Variants in MAGEA8 observed in about 807,000 individuals in gnomAD.
MAGEA8 encodes the protein melanoma-associated antigen 8.
For missense variants in MAGEA8, 229 were observed against 251.1 expected (o/e 0.91, Z 0.59); for synonymous variants, 104 against 102.6 (o/e 1.01, Z -0.08).
Position 149,885,728 on chromosome X carries a change from G to A in MAGEA8, c.*499G>A, listed in dbSNP as rs2090758746. The stretch of plus-strand genomic sequence containing the variant: ...AAAGACATAAAGAAATTAAACAATA[G>A]TTAATTCTTGCCTTACCTGTACCTC... On this transcript the variant is annotated 3_prime_UTR_variant, in exon 3 of 3. Coordinates refer to ENST00000286482, the MANE Select transcript of MAGEA8 (RefSeq NM_005364.5). The A allele has an allele frequency of 6.8e-6, 1 of 147,366 alleles. No individual in the cohort carries two copies. Among genetic ancestry groups the A allele is most frequent in the Non-Finnish European group, 1.4e-5 (1 of 69,573 alleles). The allele number at this position is 147,366 out of a possible 1,213,427, so 12.1% of individuals were successfully genotyped here.
At position 149,885,412 on chromosome X, in the gene MAGEA8, T is replaced by C. The variant is rs1025325391; in HGVS notation, c.*183T>C. 3.5e-5 allele frequency: 14 copies of C among 394,409 alleles called. 1 individual carries two copies. Among genetic ancestry groups the C allele is most frequent in the Non-Finnish European group, 6.3e-5 (14 of 223,545 alleles). The allele number at this position is 394,409 out of a possible 1,213,427, so 32.5% of individuals were successfully genotyped here. A position where few individuals can be genotyped will look rare whatever the true frequency, so the allele number is the denominator to read the frequency against. On this transcript the variant is annotated 3_prime_UTR_variant, in exon 3 of 3. Transcript: ENST00000286482. Reference sequence around the variant, plus strand: ...GCATGTTGGGTGTGAGGGAACACAGTGTGGACCATCTCTCAGTTCCTGTTC... The same window carrying C: ...GCATGTTGGGTGTGAGGGAACACAGCGTGGACCATCTCTCAGTTCCTGTTC...
At chrX:149,882,247 G>A (rs1557370648) in intron 1 of MAGEA8, among the ~76,000 whole-genome samples, 1 of 111,301 alleles carries the variant, frequency 9.0e-6, no homozygotes, top group East Asian at 2.8e-4. Flanking sequence ...CAAGGAGATG[G>A]TGGCCTTGGC....
chrX:149,882,592 G>A (rs1425808446), intron 1 of MAGEA8, among the ~76,000 whole-genome samples: 3 of 111,117 alleles, frequency 2.7e-5, no homozygotes, highest in African/African-American at 9.8e-5. Flanking sequence ...GGAAAGAAGG[G>A]ACCCCACAAA....
At chrX:149,882,129 A>G (rs145538155) in intron 1 of MAGEA8, among the ~76,000 whole-genome samples, 132 of 110,551 alleles carry the variant, frequency 1.2e-3, no homozygotes, top group African/African-American at 4.1e-3. Flanking sequence ...AGGACTCAGC[A>G]GACCTCCCAT....
rs1557370926 is a variant in MAGEA8, at chrX:149,884,561, A to C, written c.289A>C (p.Thr97Pro). The C allele has an allele frequency of 8.3e-7, 1 of 1,210,218 alleles. No individual in the cohort carries two copies. Among genetic ancestry groups the C allele is most frequent in the Admixed American group, 2.2e-5 (1 of 45,927 alleles). Residue 97 changes from threonine to proline, a missense_variant, in exon 3 of 3, where the codon ACC (threonine) becomes CCC (proline). Thr to Pro is a conservative substitution (Grantham distance 38, BLOSUM62 -1). Transcript: ENST00000286482. The part of the protein sequence containing the change: ...SSSNEEEGPS[T>P]SPDPAHLESL... ...CAGCAATGAAGAGGAGGGGCCAAGC[A>C]CCTCCCCGGACCCAGCTCACCTGGA...
chrX:149,884,406 T>C lies in MAGEA8; in HGVS notation c.134T>C (p.Leu45Pro). Residue 45 changes from leucine to proline, a missense_variant, in exon 3 of 3, where the codon CTG becomes CCG. By Grantham distance (98) the Leu-to-Pro change is moderately conservative. Coordinates refer to ENST00000286482, the MANE Select transcript of MAGEA8 (RefSeq NM_005364.5). ...EQKAASSSSTLIMGTLEEVTD... is the reference protein window; with the variant it reads ...EQKAASSSSTPIMGTLEEVTD... ...AAGGCTGCATCCTCCTCCTCTACTC[T>C]GATCATGGGAACCCTTGAGGAGGTG... 1.7e-6 allele frequency: 2 copies of C among 1,211,115 alleles called. No homozygotes were observed. The highest frequency in any genetic ancestry group is 2.2e-6 in the Non-Finnish European group (2 of 894,952).
At chrX:149,882,471 G>A (rs1032014660) in intron 1 of MAGEA8, among the ~76,000 whole-genome samples, 9 of 111,184 alleles carry the variant, frequency 8.1e-5, no homozygotes, top group Admixed American at 5.7e-4. Context: ...TCTGAAGGGC[G>A]TCCTCAGCTC....
At position 149,884,241 on chromosome X, in the gene MAGEA8, C is replaced by T; in HGVS notation, c.-32C>T. 1 of 1,129,471 alleles carries T rather than the reference C, an allele frequency of 8.9e-7. No homozygotes were observed. Among genetic ancestry groups the T allele is most frequent in the Non-Finnish European group, 1.2e-6 (1 of 834,158 alleles). 93.1% of individuals were successfully genotyped at this position (1,129,471 alleles called of 1,213,427 possible). A position where few individuals can be genotyped will look rare whatever the true frequency, so the allele number is the denominator to read the frequency against. ...GGGTCTCAATTGCCCAGCTCCGGCC[C>T]ACACTCTCCTGCTGCCCTGACCTGA... On this transcript the variant is annotated 5_prime_UTR_variant, in exon 3 of 3. Coordinates refer to ENST00000286482, the MANE Select transcript of MAGEA8 (RefSeq NM_005364.5).
chrX:149,885,162 A>G lies in MAGEA8; in HGVS notation c.890A>G (p.Asn297Ser), dbSNP rs782177723. 4.1e-6 allele frequency: 5 copies of G among 1,209,427 alleles called. No homozygotes were observed. The highest frequency in any genetic ancestry group is 5.6e-6 in the Non-Finnish European group (5 of 894,348). Residue 297 changes from asparagine to serine, a missense_variant, in exon 3 of 3, where the codon AAT becomes AGT. Asn to Ser is a conservative substitution (Grantham distance 46, BLOSUM62 1). Transcript: ENST00000286482. ...VKVLEHVVRV[N>S]ARVRISYPSL... ...GTCCTGGAGCATGTGGTCAGGGTCA[A>G]TGCAAGAGTTCGCATTTCCTACCCA...
chrX:149,882,772 G>A (rs782334702), intron 1 of MAGEA8, among the ~76,000 whole-genome samples: 36 of 110,536 alleles, frequency 3.3e-4, no homozygotes, highest in Admixed American at 1.1e-3. Context: ...GAGGAAGGGC[G>A]GGCTCCATCA....
Position 149,884,974 on chromosome X carries a change from T to C in MAGEA8, c.702T>C (p.Tyr234=), listed in dbSNP as rs782083942. Residue 234 remains tyrosine (Y), a synonymous_variant, in exon 3 of 3, where the codon TAT becomes TAC. Coordinates refer to ENST00000286482, the MANE Select transcript of MAGEA8 (RefSeq NM_005364.5). ...AAGCGTTGAGTGTGATGGGGCTGTA[T>C]GATGGGAGGGAGCACAGTGTCTATT... ...IWEALSVMGL[Y]DGREHSVYWK... is the part of the protein sequence containing the mutation. The C allele has an allele frequency of 8.3e-7, 1 of 1,207,313 alleles. No individual in the cohort carries two copies. Among genetic ancestry groups the C allele is most frequent in the African/African-American group, 1.8e-5 (1 of 56,999 alleles).
chrX:149,883,842 T>A (rs896957195), intron 1 of MAGEA8: 1 of 119,802 alleles, frequency 8.3e-6, no homozygotes, highest in African/African-American at 3.2e-5. Flanking sequence ...AACCAGGCTG[T>A]GAGGTCTTGG....
rs782773975 is a variant in MAGEA8 at position 149,885,087 on chromosome X, A to G, written c.815A>G (p.Tyr272Cys). Residue 272 changes from tyrosine (Y) to cysteine (C), a missense_variant, in exon 3 of 3, where the codon TAC becomes TGC. By Grantham distance (194) the Tyr-to-Cys change is radical. Coordinates refer to ENST00000286482, the MANE Select transcript of MAGEA8 (RefSeq NM_005364.5). ...GCGCCCGGCAGTGATCCTGTGCGCT[A>G]CGAGTTCCTGTGGGGTCCAAGGGCC... ...RQAPGSDPVR[Y>C]EFLWGPRALA... 6.6e-6 allele frequency: 8 copies of G among 1,211,766 alleles called. No homozygotes were observed. The highest frequency in any genetic ancestry group is 8.9e-6 in the Non-Finnish European group (8 of 895,331).
At chrX:149,881,661 T>G (rs1255914915) in intron 1 of MAGEA8, among the ~76,000 whole-genome samples, 1 of 93,853 alleles carries the variant, frequency 1.1e-5, no homozygotes, top group Non-Finnish European at 2.2e-5. Context: ...CGGCCGGGCA[T>G]GGCGGCCGGG....
Position 149,885,215 on chromosome X carries a change from G to T in MAGEA8, c.943G>T (p.Glu315Ter). The T allele has an allele frequency of 8.4e-6, 10 of 1,189,244 alleles. No individual in the cohort carries two copies. The highest frequency in any genetic ancestry group is 1.1e-5 in the Non-Finnish European group (10 of 883,730). The change falls in exon 3 of 3, where the codon GAG becomes TAG. Residue 315 changes from glutamate to a stop codon, truncating the protein, a stop_gained. Transcript: ENST00000286482. LOFTEE classifies it low-confidence loss of function (END_TRUNC). ...CCTGCATGAAGAGGCTTTGGGAGAG[G>T]AGAAAGGAGTTTGAGCAGGAGTTGC... The part of the protein sequence containing the change: ...PSLHEEALGE[E>*]KGV
rs2124096494 is a variant in MAGEA8 at position 149,884,978 on chromosome X, G to A, written c.706G>A (p.Gly236Arg). The A allele has an allele frequency of 8.3e-7, 1 of 1,209,401 alleles. No homozygotes were observed. Among genetic ancestry groups the A allele is most frequent in the Non-Finnish European group, 1.1e-6 (1 of 894,267 alleles). Residue 236 changes from glycine to arginine, a missense_variant, in exon 3 of 3, where the codon GGG (glycine) becomes AGG (arginine). Physicochemically the swap from Gly to Arg is moderately radical, Grantham distance 125. Coordinates refer to ENST00000286482, the MANE Select transcript of MAGEA8 (RefSeq NM_005364.5). ...EALSVMGLYD[G>R]REHSVYWKLR... Reference sequence around the variant, plus strand: ...GTTGAGTGTGATGGGGCTGTATGATGGGAGGGAGCACAGTGTCTATTGGAA... The same window carrying A: ...GTTGAGTGTGATGGGGCTGTATGATAGGAGGGAGCACAGTGTCTATTGGAA...
At position 149,884,391 on chromosome X, in the gene MAGEA8, C is replaced by A. The variant is rs1320310786; in HGVS notation, c.119C>A (p.Ser40Tyr). 4.1e-6 allele frequency: 5 copies of A among 1,208,544 alleles called. No homozygotes were observed. The highest frequency in any genetic ancestry group is 1.7e-5 in the African/African-American group (1 of 57,356). Reference protein sequence around the residue: ...IPTAEEQKAASSSSTLIMGTL... With the variant: ...IPTAEEQKAAYSSSTLIMGTL... ...ACAGCTGAGGAGCAGAAGGCTGCAT[C>A]CTCCTCCTCTACTCTGATCATGGGA... Residue 40 changes from serine (S) to tyrosine (Y), a missense_variant, in exon 3 of 3, where the codon TCC becomes TAC. Transcript: ENST00000286482.
chrX:149,884,486 C>T lies in MAGEA8; in HGVS notation c.214C>T (p.Leu72=), dbSNP rs200126191. 1.7e-6 allele frequency: 2 copies of T among 1,211,599 alleles called. No homozygotes were observed. The highest frequency in any genetic ancestry group is 4.6e-4 in the Middle Eastern group (2 of 4,343). Reference sequence around the variant, plus strand: ...GAGTCCTGAGGGTGCCTCCTCTTCCCTGACTGTCACCGACAGCACTCTGTG... The same window carrying T: ...GAGTCCTGAGGGTGCCTCCTCTTCCTTGACTGTCACCGACAGCACTCTGTG... ...PQSPEGASSS[L]TVTDSTLWSQ... is the part of the protein sequence containing the mutation. Residue 72 remains leucine (L), a synonymous_variant, in exon 3 of 3, where the codon CTG becomes TTG. Transcript: ENST00000286482.
At position 149,884,645 on chromosome X, in the gene MAGEA8, C is replaced by T. The variant is rs1557370947; in HGVS notation, c.373C>T (p.Arg125Cys). 7.4e-6 allele frequency: 9 copies of T among 1,209,523 alleles called. No individual in the cohort carries two copies. The highest frequency in any genetic ancestry group is 3.0e-5 in the East Asian group (1 of 33,774). Residue 125 changes from arginine to cysteine, a missense_variant, in exon 3 of 3, where the codon CGC becomes TGC. Physicochemically the swap from Arg to Cys is radical, Grantham distance 180. Transcript: ENST00000286482. ...GGCTGAGTTAGTTCGTTTCCTGCTC[C>T]GCAAATATCAAATTAAGGAGCCGGT... ...KVAELVRFLLRKYQIKEPVTK... is the reference protein window; with the variant it reads ...KVAELVRFLLCKYQIKEPVTK...
Sources: allele counts gnomAD v4.1 joint callset (sites outside exome capture counted in the v4.1 genomes callset), GRCh38; gene constraint gnomAD v4.1.1; transcripts MANE v1.5; gene names NCBI Gene and HGNC (gene_info 2026-07-23, HGNC 2026-07-21).